The following ESR1 variants were observed in gnomAD, a reference collection of about 807,000 sequenced individuals.
ESR1 encodes the protein estrogen receptor.
ESR1 carries 12 observed loss-of-function variants against 52.7 expected under a neutral mutation model. The observed-to-expected ratio is 0.23, with a 90% confidence interval of 0.15 to 0.37. ESR1 has a LOEUF of 0.37. ESR1 is among the 10% of genes least tolerant of loss of function. ESR1 has a pLI of 1.00. For synonymous variants in ESR1, 305 were observed against 316.8 expected (o/e 0.96, Z 0.39); for missense variants, 584 against 779.7 (o/e 0.75, Z 2.99).
At position 152,050,500 on chromosome 6, in the gene ESR1, TG is replaced by T. The variant is rs9341007; in HGVS notation, c.1236-10490del. 3.7e-3 allele frequency among the ~76,000 whole-genome samples: 569 copies of T among 152,340 alleles called. 7 individuals carry two copies. Among genetic ancestry groups the T allele is most frequent in the African/African-American group, 0.013 (536 of 41,576 alleles). The stretch of plus-strand genomic sequence containing the variant: ...TTTTCTTCCATTTTTTCTTTAATTT[TG>T]TATCCAGACACTGCCTTCTCTAAGA... On this transcript the variant is annotated intron_variant, in intron 5 of 7. Transcript: ENST00000206249.
intron 5 of ESR1, among the ~76,000 whole-genome samples, chr6:152,048,939 G>A (rs988259085): frequency 1.3e-5 from 2 of 152,082 alleles, no homozygotes; most frequent in Non-Finnish European, 2.9e-5. Context: ...CTTCATAATT[G>A]CTGTGTCTGT....
At chr6:151,699,016 C>T (rs547619809) in intron 1 of ESR1, among the ~76,000 whole-genome samples, 4 of 152,194 alleles carry the variant, frequency 2.6e-5, no homozygotes, top group Non-Finnish European at 5.9e-5. Context: ...AAGCAAAGGT[C>T]TCCTGCTTAC....
At chr6:152,126,721 A>G (rs759915194) in exon 7 of ESR1, 2 of 152,192 alleles carry the variant, frequency 1.3e-5, no homozygotes, top group African/African-American at 2.4e-5. Flanking sequence ...CAATTGCGGG[A>G]TAAGGAGAAT....
At chr6:152,087,080 A>G (rs1312640346) in intron 6 of ESR1, among the ~76,000 whole-genome samples, 1 of 152,182 alleles carries the variant, frequency 6.6e-6, no homozygotes, top group Non-Finnish European at 1.5e-5. Context: ...GGCTTTATCA[A>G]ACTAAACATT....
chr6:151,952,359 A>G lies in ESR1; in HGVS notation c.1096+7851A>G, dbSNP rs142220718. ...CCATTCTATTTGATTTCTACTTTCCAATATTAACTGCTTAAGTCAGACAAT... is the reference window on the plus strand; with the variant it reads ...CCATTCTATTTGATTTCTACTTTCCGATATTAACTGCTTAAGTCAGACAAT... On this transcript the variant is annotated intron_variant, in intron 4 of 7. Transcript: ENST00000206249. 8.9e-3 allele frequency among the ~76,000 whole-genome samples: 1,360 copies of G among 152,250 alleles called. 22 individuals carry two copies. The highest frequency in any genetic ancestry group is 0.029 in the African/African-American group (1,217 of 41,538).
chr6:151,713,716 G>T (rs891210631), intron 2 of ESR1, among the ~76,000 whole-genome samples: 2 of 133,754 alleles, frequency 1.5e-5, no homozygotes, highest in South Asian at 2.2e-4. Context: ...GTGTCTATTT[G>T]ATTTTTCTCT....
At chr6:151,857,588 G>A (rs1056474510) in intron 2 of ESR1, among the ~76,000 whole-genome samples, 2 of 151,836 alleles carry the variant, frequency 1.3e-5, no homozygotes, top group Non-Finnish European at 2.9e-5. Context: ...GAGTGCAGTG[G>A]CGCAAACTTG....
At chr6:151,998,276 G>A (rs980963493) in intron 4 of ESR1, among the ~76,000 whole-genome samples, 3 of 152,104 alleles carry the variant, frequency 2.0e-5, no homozygotes, top group African/African-American at 7.2e-5. Flanking sequence ...ATGTAATTGT[G>A]CAATTTACAC....
intron 1 of ESR1, among the ~76,000 whole-genome samples, chr6:151,669,173 A>G (rs1053594142): frequency 1.4e-3 from 175 of 122,626 alleles, no homozygotes; most frequent in African/African-American, 5.5e-3. Flanking sequence ...AGAGAGAGAG[A>G]GAGAGAGAGA....
chr6:151,913,860 A>C (rs1046548882), intron 3 of ESR1, among the ~76,000 whole-genome samples: 27 of 152,304 alleles, frequency 1.8e-4, no homozygotes, highest in Admixed American at 1.5e-3. Context: ...CTTAGTTAAA[A>C]AATGATTCCT....
At chr6:151,681,898 C>T (rs1056014671) in intron 1 of ESR1, among the ~76,000 whole-genome samples, 12 of 152,138 alleles carry the variant, frequency 7.9e-5, no homozygotes, top group African/African-American at 2.7e-4. Flanking sequence ...AAGACCTGCT[C>T]ACCACGAGGT....
intron 1 of ESR1, among the ~76,000 whole-genome samples, chr6:151,824,379 A>G (rs1157374910): frequency 2.0e-5 from 3 of 151,996 alleles, no homozygotes; most frequent in Non-Finnish European, 2.9e-5. Flanking sequence ...TTAGCCCTTT[A>G]TCAGATGAGT....
At chr6:151,686,200 G>T (rs980362053), upstream of ESR1, among the ~76,000 whole-genome samples, 1 of 149,986 alleles carries the variant, frequency 6.7e-6, no homozygotes, top group African/African-American at 2.5e-5. Flanking sequence ...TTTGAAGAAA[G>T]ATAGTTTTAA....
intron 4 of ESR1, among the ~76,000 whole-genome samples, chr6:151,961,967 C>A (rs549009013): frequency 1.3e-5 from 2 of 152,004 alleles, no homozygotes; most frequent in African/African-American, 4.8e-5. Flanking sequence ...TATGATGAGT[C>A]AAGAAAGGGA....
chr6:151,860,045 A>G (rs902768796), intron 2 of ESR1, among the ~76,000 whole-genome samples: 5 of 152,164 alleles, frequency 3.3e-5, no homozygotes, highest in Non-Finnish European at 2.9e-5. Context: ...CTCTGAGACT[A>G]AGCAGAGAAA....
At chr6:151,692,136 T>C (rs184974044) in intron 1 of ESR1, among the ~76,000 whole-genome samples, 1 of 152,354 alleles carries the variant, frequency 6.6e-6, no homozygotes, top group Admixed American at 6.5e-5. Context: ...ATAAAGCTCT[T>C]GTGTCTTAAA....
At chr6:151,860,128 T>G (rs1562486263) in intron 2 of ESR1, among the ~76,000 whole-genome samples, 1 of 152,196 alleles carries the variant, frequency 6.6e-6, no homozygotes. Flanking sequence ...CTCTTTATTA[T>G]TTTTAATTAT....
intron 5 of ESR1, among the ~76,000 whole-genome samples, chr6:152,054,775 A>G (rs1272020109): frequency 6.6e-6 from 1 of 152,170 alleles, no homozygotes; most frequent in Non-Finnish European, 1.5e-5. Context: ...TTCCAGTACC[A>G]TTCAATCTTC....
chr6:152,045,169 T>G (rs2046127261), intron 5 of ESR1, among the ~76,000 whole-genome samples: 1 of 152,044 alleles, frequency 6.6e-6, no homozygotes, highest in Non-Finnish European at 1.5e-5. Context: ...GAAGGGACAA[T>G]TACTGTGAGC....
Sources: allele counts gnomAD v4.1 joint callset (sites outside exome capture counted in the v4.1 genomes callset), GRCh38; gene constraint gnomAD v4.1.1; transcripts MANE v1.5; gene names NCBI Gene and HGNC (gene_info 2026-07-23, HGNC 2026-07-21).